Variants in SLAIN2 observed in about 807,000 individuals in gnomAD.
SLAIN2 encodes SLAIN motif-containing protein 2.
A neutral mutation model predicts 56.6 loss-of-function variants in SLAIN2; 31 were observed. That is an observed-to-expected ratio of 0.55 (90% CI 0.41 to 0.74). The LOEUF (loss-of-function observed/expected upper bound fraction) is 0.74. Ranked by LOEUF, SLAIN2 falls within the 30% of genes least tolerant of loss-of-function variation. The pLI, the probability that SLAIN2 is intolerant of heterozygous loss-of-function variation, is 0.00. For synonymous variants in SLAIN2, 317 were observed against 284.9 expected, an observed-to-expected ratio of 1.11 and a Z score of -1.13; for missense variants, 777 against 754.2, an observed-to-expected ratio of 1.03 and a Z score of -0.35.
intron 6 of SLAIN2, among the ~76,000 whole-genome samples, chr4:48,386,090 G>GAA (rs763740224): frequency 5.2e-5 from 4 of 76,818 alleles, no homozygotes; most frequent in African/African-American, 8.7e-5. Context: ...TCTATTGAAA[G>GAA]AAAAAAAAAA....
At position 48,369,887 on chromosome 4, in the gene SLAIN2, A is replaced by G; in HGVS notation, c.428A>G (p.Gln143Arg). The G allele has an allele frequency of 1.2e-6, 2 of 1,613,678 alleles. No homozygotes were observed. The highest frequency in any genetic ancestry group is 1.7e-6 in the Non-Finnish European group (2 of 1,179,696). ...SSPKKKLTPM[Q>R]KSVSPLVWCR... Reference sequence around the variant, plus strand: ...CCAAAGAAAAAACTTACACCAATGCAGAAATCGGTTAGTCCATTAGTTTGG... The same window carrying G: ...CCAAAGAAAAAACTTACACCAATGCGGAAATCGGTTAGTCCATTAGTTTGG... Residue 143 changes from glutamine to arginine, a missense_variant, in exon 2 of 8, where the codon CAG (glutamine) becomes CGG (arginine). Physicochemically the swap from Gln to Arg is conservative, Grantham distance 43. Transcript: ENST00000264313.
chr4:48,396,899 C>G (rs1285606302), intron 6 of SLAIN2, among the ~76,000 whole-genome samples: 1 of 152,150 alleles, frequency 6.6e-6, no homozygotes, highest in African/African-American at 2.4e-5. Context: ...CACAGTCACT[C>G]CATAAATATT....
chr4:48,363,916 G>GC (rs1297544894), intron 1 of SLAIN2, among the ~76,000 whole-genome samples: 1 of 126,470 alleles, frequency 7.9e-6, no homozygotes. Flanking sequence ...GGCTGGCCAG[G>GC]CGGGGGGCTG....
At chr4:48,388,352 T>TAATTTA (rs1560459818) in intron 6 of SLAIN2, among the ~76,000 whole-genome samples, 1 of 152,184 alleles carries the variant, frequency 6.6e-6, no homozygotes, top group East Asian at 1.9e-4. Context: ...TTCAAAAGGC[T>TAATTTA]AATGCCTTGC....
chr4:48,410,822 A>G (rs898063080), intron 6 of SLAIN2, among the ~76,000 whole-genome samples: 3 of 152,224 alleles, frequency 2.0e-5, no homozygotes, highest in African/African-American at 7.2e-5. Flanking sequence ...TCAGCGTTAC[A>G]GACCCTGAGA....
In SLAIN2 at chr4:48,365,444, C is replaced by CAAAA. The variant is rs34317951; in HGVS notation, c.390-4387_390-4384dup. 2.4e-3 allele frequency among the ~76,000 whole-genome samples: 135 copies of CAAAA among 56,912 alleles called. 1 individual carries two copies. The highest frequency in any genetic ancestry group is 0.01 in the Middle Eastern group (1 of 100). 37.3% of individuals were successfully genotyped at this position (56,912 alleles called of 152,430 possible). ...ATCGCAACAGAGCAAGACTCCATCT[C>CAAAA]AAAAAAAAAAAAAAAAAAAAAGCAC... is the stretch of plus-strand genomic sequence containing the variant. On this transcript the variant is annotated intron_variant, in intron 1 of 7. Transcript: ENST00000264313.
In SLAIN2 at chr4:48,341,691, G is replaced by C; in HGVS notation, c.-49G>C. The C allele has an allele frequency of 6.6e-7, 1 of 1,514,792 alleles. No homozygotes were observed. The highest frequency in any genetic ancestry group is 8.8e-7 in the Non-Finnish European group (1 of 1,131,012). The allele number at this position is 1,514,792 out of a possible 1,614,324, so 93.8% of individuals were successfully genotyped here. Reference sequence around the variant, plus strand: ...TCTTTCCTCCGTCTCTTTCCCTGTCGCTGCGAGAGCGAGCGGGCGGCGGAG... The same window carrying C: ...TCTTTCCTCCGTCTCTTTCCCTGTCCCTGCGAGAGCGAGCGGGCGGCGGAG... On this transcript the variant is annotated 5_prime_UTR_variant, in exon 1 of 8. Coordinates refer to ENST00000264313, the MANE Select transcript of SLAIN2 (RefSeq NM_020846.2).
In SLAIN2 at chr4:48,418,488, T is replaced by C. The variant is rs1262584634; in HGVS notation, c.1361-1637T>C. Among the ~76,000 whole-genome samples the C allele has an allele frequency of 2.6e-5, 4 of 152,326 alleles. No homozygotes were observed. In the East Asian group the frequency reaches 7.7e-4, roughly 29 times the overall value. Reference sequence around the variant, plus strand: ...TCAAATATTGAACCAACCTTGCATCTTGGAATAAATCCTCCTTAGTCATGG... The same window carrying C: ...TCAAATATTGAACCAACCTTGCATCCTGGAATAAATCCTCCTTAGTCATGG... On this transcript the variant is annotated intron_variant, in intron 6 of 7. Coordinates refer to ENST00000264313, the MANE Select transcript of SLAIN2 (RefSeq NM_020846.2).
At chr4:48,365,987 C>T (rs1320323884) in intron 1 of SLAIN2, among the ~76,000 whole-genome samples, 1 of 152,206 alleles carries the variant, frequency 6.6e-6, no homozygotes, top group East Asian at 1.9e-4. Context: ...TTTTTAGCGT[C>T]ATCACATAAT....
intron 1 of SLAIN2, among the ~76,000 whole-genome samples, chr4:48,369,113 A>G (rs1715601011): frequency 6.6e-6 from 1 of 152,206 alleles, no homozygotes; most frequent in Admixed American, 6.5e-5. Context: ...CTGGTTAGAA[A>G]TCAATAGCTA....
intron 1 of SLAIN2, among the ~76,000 whole-genome samples, chr4:48,351,363 GAGTACTTT>G (rs1372155950): frequency 1.3e-5 from 2 of 152,188 alleles, no homozygotes; most frequent in Admixed American, 1.3e-4. Flanking sequence ...GATACAGAAA[GAGTACTTT>G]AGTAATTTTA....
At chr4:48,360,213 G>T (rs1055895957) in intron 1 of SLAIN2, among the ~76,000 whole-genome samples, 1 of 151,828 alleles carries the variant, frequency 6.6e-6, no homozygotes, top group Admixed American at 6.6e-5. Context: ...GGAAAAAGTG[G>T]CATTTTGAAA....
chr4:48,342,735 T>TTTTTTA (rs869303501), intron 1 of SLAIN2, among the ~76,000 whole-genome samples: 1 of 147,328 alleles, frequency 6.8e-6, no homozygotes. Flanking sequence ...TTTTTTTTTT[T>TTTTTTA]GTTACTCTGT....
intron 6 of SLAIN2, among the ~76,000 whole-genome samples, chr4:48,406,522 TC>T (rs1716699984): frequency 8.6e-6 from 1 of 116,934 alleles, no homozygotes; most frequent in Non-Finnish European, 1.9e-5. Flanking sequence ...ATGCTCTCTC[TC>T]TCTTTTTTTT....
At chr4:48,375,409 C>G (rs1290720192) in intron 2 of SLAIN2, among the ~76,000 whole-genome samples, 1 of 152,242 alleles carries the variant, frequency 6.6e-6, no homozygotes, top group Non-Finnish European at 1.5e-5. Flanking sequence ...AAAACCACTA[C>G]TACCAGTAGG....
At position 48,369,876 on chromosome 4, in the gene SLAIN2, T is replaced by TA; in HGVS notation, c.418dup (p.Thr140AsnfsTer8). On this transcript the variant is annotated frameshift_variant, in exon 2 of 8. Coordinates refer to ENST00000264313, the MANE Select transcript of SLAIN2 (RefSeq NM_020846.2). LOFTEE classifies it high-confidence loss of function. The stretch of plus-strand genomic sequence containing the variant: ...TGTATTCATCACCAAAGAAAAAACT[T>TA]ACACCAATGCAGAAATCGGTTAGTC... 6.2e-7 allele frequency: 1 copy of TA among 1,613,584 alleles called. No homozygotes were observed. Among genetic ancestry groups the TA allele is most frequent in the Non-Finnish European group, 8.5e-7 (1 of 1,179,650 alleles).
intron 6 of SLAIN2, among the ~76,000 whole-genome samples, chr4:48,413,170 G>A (rs765739241): frequency 9.2e-5 from 14 of 151,918 alleles, no homozygotes; most frequent in Non-Finnish European, 1.6e-4. Context: ...AGACGTTGCA[G>A]TGAACCAAGT....
chr4:48,384,800 C>T (rs13142082), intron 6 of SLAIN2, among the ~76,000 whole-genome samples: 116,914 of 152,072 alleles, frequency 0.77, 45,767 homozygotes, highest in African/African-American at 0.92. Flanking sequence ...AAAATATGCA[C>T]TCCTTAAAAA....
chr4:48,418,942 A>G (rs1717072168), intron 6 of SLAIN2, among the ~76,000 whole-genome samples: 1 of 152,158 alleles, frequency 6.6e-6, no homozygotes, highest in Non-Finnish European at 1.5e-5. Flanking sequence ...TGTTCTATAC[A>G]TCAGTAGTTT....
Sources: gnomAD v4.1 joint callset for allele counts (sites outside exome capture counted in the v4.1 genomes callset) on GRCh38, gnomAD v4.1.1 for gene constraint, MANE v1.5 for transcripts, NCBI Gene and HGNC (gene_info 2026-07-23, HGNC 2026-07-21) for gene names.